The following KLHL24 variants were observed in gnomAD, a reference collection of about 807,000 sequenced individuals.
KLHL24 encodes the protein kelch-like protein 24.
A neutral mutation model predicts 53.4 loss-of-function variants in KLHL24; 29 were observed. The observed-to-expected ratio is 0.54, with a 90% CI of 0.40 to 0.74. The LOEUF (loss-of-function observed/expected upper bound fraction) is 0.74. Among genes scored for constraint, KLHL24 ranks in the 30% least tolerant of loss-of-function variants. The probability of loss-of-function intolerance (pLI) is 0.00; values close to 1 mark genes in which losing one functional copy is unlikely to be tolerated. For missense variants in KLHL24, 504 were observed against 744.0 expected, an observed-to-expected ratio of 0.68 and a Z score of 3.75; for synonymous variants, 222 against 253.7, an observed-to-expected ratio of 0.88 and a Z score of 1.19.
intron 1 of KLHL24, among the ~76,000 whole-genome samples, chr3:183,638,453 G>A (rs1222008600): frequency 1.5e-5 from 2 of 137,464 alleles, no homozygotes; most frequent in Non-Finnish European, 3.1e-5. Context: ...TTGTCTATTT[G>A]ACAAAAATTT....
At chr3:183,665,233 A>G (rs1720360463) in intron 5 of KLHL24, among the ~76,000 whole-genome samples, 194 bp downstream of exon 5, 1 of 152,174 alleles carries the variant, frequency 6.6e-6, no homozygotes, top group African/African-American at 2.4e-5. Flanking sequence ...TTGTTCTCCT[A>G]ATTTGGAATT....
intron 2 of KLHL24, among the ~76,000 whole-genome samples, chr3:183,647,946 C>T (rs1017372205): frequency 6.6e-6 from 1 of 152,110 alleles, no homozygotes; most frequent in African/African-American, 2.4e-5. Flanking sequence ...GCAGAGGTTG[C>T]AGTGAGCCGA....
intron 7 of KLHL24, among the ~76,000 whole-genome samples, chr3:183,676,241 G>T (rs765204821): frequency 1.3e-5 from 2 of 152,102 alleles, no homozygotes; most frequent in Non-Finnish European, 2.9e-5. Context: ...GATTACAGGC[G>T]CATGCCACCA....
intron 5 of KLHL24, among the ~76,000 whole-genome samples, chr3:183,666,930 G>A (rs551220381): frequency 5.3e-5 from 8 of 152,108 alleles, no homozygotes; most frequent in East Asian, 1.9e-4. Flanking sequence ...ACTTGCTTTC[G>A]CATATGTCTT....
rs749541645 is a variant in KLHL24, at chr3:183,672,431, T to C, written c.1549T>C (p.Tyr517His). Reference protein sequence around the residue: ...AGGLTKAIYCYDPVEDYWMHV... With the variant: ...AGGLTKAIYCHDPVEDYWMHV... ...TGGACTGACCAAGGCAATATACTGT[T>C]ACGATCCAGTTGAAGATTACTGGAT... Residue 517 changes from tyrosine to histidine, a missense_variant, in exon 7 of 8, where the codon TAC (tyrosine) becomes CAC (histidine). Transcript: ENST00000242810. 1 of 1,613,442 alleles carries C rather than the reference T, an allele frequency of 6.2e-7. No homozygotes were observed. The highest frequency in any genetic ancestry group is 8.5e-7 in the Non-Finnish European group (1 of 1,179,656).
At chr3:183,636,980 T>G (rs77145631) in intron 1 of KLHL24, among the ~76,000 whole-genome samples, 10,298 of 152,154 alleles carry the variant, frequency 0.068, 1,205 homozygotes, top group African/African-American at 0.24. Flanking sequence ...ACCCTTTAAC[T>G]AGTGTCGCGT....
intron 3 of KLHL24, among the ~76,000 whole-genome samples, chr3:183,660,743 T>C (rs2108832474): frequency 6.6e-6 from 1 of 152,148 alleles, no homozygotes; most frequent in South Asian, 2.1e-4. Context: ...CCACACAAAT[T>C]GATACTGTGT....
rs1717991075 is a variant in KLHL24 at position 183,650,596 on chromosome 3, T to C, written c.240T>C (p.His80=). ...TGGAAGGAAAAGAATTTCCTTGCCA[T>C]AGAGCTGTGCTCTCAGCCTGTAGCA... The part of the protein sequence containing the change: ...ICVEGKEFPC[H]RAVLSACSSY... The change falls in exon 3 of 8, where the codon CAT becomes CAC. Residue 80 remains histidine (H), a synonymous_variant. Coordinates refer to ENST00000242810, the MANE Select transcript of KLHL24 (RefSeq NM_017644.3). This position sits in a 1 kb window ranked among gnomAD's most constrained non-coding sequence, Gnocchi z 4.5. 6.2e-7 allele frequency: 1 copy of C among 1,614,214 alleles called. No homozygotes were observed. The highest frequency in any genetic ancestry group is 8.5e-7 in the Non-Finnish European group (1 of 1,180,008).
chr3:183,657,652 C>G (rs9871070), intron 3 of KLHL24, among the ~76,000 whole-genome samples: 61,265 of 152,086 alleles, frequency 0.4, 15,562 homozygotes, highest in African/African-American at 0.73. Context: ...GTTAGAACCA[C>G]AGCCAGGGCT....
intron 5 of KLHL24, among the ~76,000 whole-genome samples, chr3:183,666,068 A>AG (rs1274918001): frequency 6.6e-6 from 1 of 151,990 alleles, no homozygotes; most frequent in Non-Finnish European, 1.5e-5. Context: ...TTTTTAGTAG[A>AG]GGCAGGGTTT....
At position 183,663,081 on chromosome 3, in the gene KLHL24, A is replaced by C. The variant is rs1473509018; in HGVS notation, c.921-377A>C. Among the ~76,000 whole-genome samples, 1 of 152,342 alleles carries C rather than the reference A, an allele frequency of 6.6e-6. No homozygotes were observed. The highest frequency in any genetic ancestry group is 1.9e-4 in the East Asian group (1 of 5,186). On this transcript the variant is annotated intron_variant, in intron 3 of 7. Coordinates refer to ENST00000242810, the MANE Select transcript of KLHL24 (RefSeq NM_017644.3). This position sits in a 1 kb window ranked among gnomAD's most constrained non-coding sequence, Gnocchi z 4.9. Reference sequence around the variant, plus strand: ...GCACCATTTTCCTACAGTTAGAAAAAAATGCATTATCTTACCTTGTGTGGT... The same window carrying C: ...GCACCATTTTCCTACAGTTAGAAAACAATGCATTATCTTACCTTGTGTGGT...
At chr3:183,660,136 T>C (rs906512971) in intron 3 of KLHL24, among the ~76,000 whole-genome samples, 1 of 149,218 alleles carries the variant, frequency 6.7e-6, no homozygotes, top group Admixed American at 6.7e-5. Context: ...TCTTTCTTTT[T>C]TTTTTTTTTT....
Position 183,684,359 on chromosome 3 carries a change from A to C in KLHL24, c.*5073A>C, listed in dbSNP as rs930515048. 2.0e-5 allele frequency: 3 copies of C among 152,630 alleles called. No individual in the cohort carries two copies. Among genetic ancestry groups the C allele is most frequent in the African/African-American group, 7.2e-5 (3 of 41,458 alleles). The allele number at this position is 152,630 out of a possible 1,614,324, so 9.5% of individuals were successfully genotyped here. On this transcript the variant is annotated 3_prime_UTR_variant, in exon 8 of 8. Coordinates refer to ENST00000242810, the MANE Select transcript of KLHL24 (RefSeq NM_017644.3). The stretch of plus-strand genomic sequence containing the variant: ...ATAGTGGAAAGAATGCTTTGTATTT[A>C]ATTGTTCTTAGTTAAGTTGTAGCAC...
In KLHL24 at chr3:183,651,004, T is replaced by C; in HGVS notation, c.648T>C (p.Ile216=). 1.2e-6 allele frequency: 2 copies of C among 1,614,222 alleles called. No homozygotes were observed. The highest frequency in any genetic ancestry group is 1.7e-6 in the Non-Finnish European group (2 of 1,180,042). The change falls in exon 3 of 8, where the codon ATT becomes ATC. Residue 216 remains isoleucine, a synonymous_variant. Coordinates refer to ENST00000242810, the MANE Select transcript of KLHL24 (RefSeq NM_017644.3). ...ELDKDELIDY[I]CSDELVIGKE... is the part of the protein sequence containing the mutation. ...ACAAAGATGAACTTATTGATTATATTTGTAGTGATGAACTTGTTATTGGTA... is the reference window on the plus strand; with the variant it reads ...ACAAAGATGAACTTATTGATTATATCTGTAGTGATGAACTTGTTATTGGTA...
At chr3:183,638,107 TC>T (rs1214794162) in intron 1 of KLHL24, among the ~76,000 whole-genome samples, 1 of 152,206 alleles carries the variant, frequency 6.6e-6, no homozygotes, top group Non-Finnish European at 1.5e-5. Flanking sequence ...CAGAACCGCC[TC>T]ATCACTTGTG....
At chr3:183,672,057 A>G (rs568188831) in intron 6 of KLHL24, among the ~76,000 whole-genome samples, 1 of 152,324 alleles carries the variant, frequency 6.6e-6, no homozygotes, top group African/African-American at 2.4e-5. Flanking sequence ...CCTGGTGGCC[A>G]TTCATTCTAG....
intron 1 of KLHL24, among the ~76,000 whole-genome samples, chr3:183,640,439 C>T (rs942240069): frequency 1.3e-5 from 2 of 152,038 alleles, no homozygotes; most frequent in Non-Finnish European, 2.9e-5. Context: ...TCATCAACAG[C>T]TATCTGTTTT....
chr3:183,656,905 G>GA (rs34835305), intron 3 of KLHL24, among the ~76,000 whole-genome samples: 46,241 of 129,716 alleles, frequency 0.36, 7,941 homozygotes, highest in East Asian at 0.5. Context: ...CCAGAAAAAG[G>GA]AAAAAAAAAA....
intron 1 of KLHL24, among the ~76,000 whole-genome samples, chr3:183,642,376 G>A (rs1238227329): frequency 6.6e-6 from 1 of 151,816 alleles, no homozygotes; most frequent in Non-Finnish European, 1.5e-5. Flanking sequence ...AACACAGTCT[G>A]GGTATACATA....
Sources: allele counts gnomAD v4.1 joint callset (sites outside exome capture counted in the v4.1 genomes callset), GRCh38; gene constraint gnomAD v4.1.1; non-coding constraint Gnocchi (gnomAD v3.1); transcripts MANE v1.5; gene names NCBI Gene and HGNC (gene_info 2026-07-23, HGNC 2026-07-21).